The following OPRPN variants were observed in gnomAD, a reference collection of about 807,000 sequenced individuals.
OPRPN encodes basic proline-rich lacrimal protein.
In OPRPN, 1 loss-of-function variant was observed where a neutral mutation model predicts 2.2. The ratio of observed to expected loss-of-function variants is 0.45; its 90% CI spans 0.16 to 2.15. The LOEUF (loss-of-function observed/expected upper bound fraction) is 2.15, where lower values mean the gene tolerates loss of function less well. Among genes scored for constraint, OPRPN ranks in the 30% most tolerant of loss-of-function variants. The pLI is 0.28. For missense variants in OPRPN, 306 were observed against 297.3 expected, an observed-to-expected ratio of 1.03 and a Z score of -0.21; for synonymous variants, 126 against 111.5, an observed-to-expected ratio of 1.13 and a Z score of -0.82.
At position 70,410,169 on chromosome 4, in the gene OPRPN, A is replaced by G; in HGVS notation, c.*94A>G. On this transcript the variant is annotated 3_prime_UTR_variant, in exon 3 of 3. Transcript: ENST00000399575. ...TGGAACCAACCCTGATCTAACCAGC[A>G]CACTAAATAAAGTATTTGAGCAATA... 1.2e-6 allele frequency: 1 copy of G among 816,172 alleles called. No homozygotes were observed. Among genetic ancestry groups the G allele is most frequent in the Non-Finnish European group, 1.8e-6 (1 of 559,396 alleles). 50.6% of individuals were successfully genotyped at this position (816,172 alleles called of 1,614,324 possible).
At chr4:70,407,625 A>G (rs62322518) in intron 2 of OPRPN, among the ~76,000 whole-genome samples, 33,326 of 152,218 alleles carry the variant, frequency 0.22, 4,168 homozygotes, top group East Asian at 0.41. Context: ...AGGAATGGAG[A>G]GAGATAAACT....
chr4:70,398,508 C>A (rs1407031990), intron 1 of OPRPN, among the ~76,000 whole-genome samples: 1 of 151,890 alleles, frequency 6.6e-6, no homozygotes, highest in Non-Finnish European at 1.5e-5. Flanking sequence ...TGTCTTACAT[C>A]ACTTTCAAGG....
chr4:70,399,459 A>G, intron 2 of OPRPN, 123 bp downstream of exon 2: 1 of 751,286 alleles, frequency 1.3e-6, no homozygotes, highest in South Asian at 1.9e-5. Context: ...GTTGATAATT[A>G]TGGACTTGCT....
intron 2 of OPRPN, among the ~76,000 whole-genome samples, chr4:70,403,561 C>T (rs1317696732): frequency 6.6e-6 from 1 of 152,136 alleles, no homozygotes. Flanking sequence ...TTCATTGAAA[C>T]ATGTTTGCAT....
intron 2 of OPRPN, among the ~76,000 whole-genome samples, chr4:70,400,759 G>A (rs1732963169): frequency 6.6e-6 from 1 of 151,948 alleles, no homozygotes; most frequent in South Asian, 2.1e-4. Context: ...TCAATAATTA[G>A]AATTAATTAT....
rs151247099 is a variant in OPRPN at position 70,404,106 on chromosome 4, A to C, written c.51+4770A>C. ...GTTCTGTCTTAAGCCTACTCCAAGC[A>C]GACTTTGCCCACATCATTTGGATGA... On this transcript the variant is annotated intron_variant, in intron 2 of 2. Coordinates refer to ENST00000399575, the MANE Select transcript of OPRPN (RefSeq NM_021225.5). Among the ~76,000 whole-genome samples the C allele has an allele frequency of 2.5e-3, 381 of 152,302 alleles. 2 individuals carry two copies. Among genetic ancestry groups the C allele is most frequent in the Middle Eastern group, 0.024 (7 of 294 alleles).
chr4:70,398,404 A>G (rs1441316940), intron 1 of OPRPN, among the ~76,000 whole-genome samples: 1 of 151,880 alleles, frequency 6.6e-6, no homozygotes. Context: ...TTTCTTATGT[A>G]TTGTCAAACT....
intron 2 of OPRPN, among the ~76,000 whole-genome samples, chr4:70,400,786 G>T (rs150507644): frequency 3.9e-5 from 6 of 151,974 alleles, no homozygotes; most frequent in Admixed American, 3.9e-4. Context: ...TATTACTCTG[G>T]AATAAACCAC....
intron 2 of OPRPN, chr4:70,399,573 A>G (rs763594886): frequency 3.1e-5 from 12 of 385,226 alleles, no homozygotes; most frequent in South Asian, 1.2e-4. Flanking sequence ...GGCAGGTAGT[A>G]TCTAGGAGAG....
At chr4:70,400,468 A>G (rs1732953732) in intron 2 of OPRPN, among the ~76,000 whole-genome samples, 1 of 151,976 alleles carries the variant, frequency 6.6e-6, no homozygotes, top group African/African-American at 2.4e-5. Context: ...GAAGATTATT[A>G]TACTCCATGA....
At position 70,399,348 on chromosome 4, in the gene OPRPN, C is replaced by T; in HGVS notation, c.51+12C>T. On this transcript the variant is annotated intron_variant, in intron 2 of 2. Coordinates refer to ENST00000399575, the MANE Select transcript of OPRPN (RefSeq NM_021225.5). Reference sequence around the variant, plus strand: ...TTTCATGTTTCACAGTAAGTTCCCTCAATTCTAAATTTACTTGTTATATTT... The same window carrying T: ...TTTCATGTTTCACAGTAAGTTCCCTTAATTCTAAATTTACTTGTTATATTT... 1 of 1,569,526 alleles carries T rather than the reference C, an allele frequency of 6.4e-7. No homozygotes were observed. The highest frequency in any genetic ancestry group is 8.8e-7 in the Non-Finnish European group (1 of 1,142,718).
chr4:70,400,315 C>A (rs930283407), intron 2 of OPRPN, among the ~76,000 whole-genome samples: 1 of 151,736 alleles, frequency 6.6e-6, no homozygotes, highest in South Asian at 2.1e-4. Flanking sequence ...TATCAATAGA[C>A]CCTAGCAATG....
Position 70,410,151 on chromosome 4 carries a change from A to G in OPRPN, c.*76A>G, listed in dbSNP as rs1733196963. ...AAACTGCAATGATTTTGATGGAACC[A>G]ACCCTGATCTAACCAGCACACTAAA... is the stretch of plus-strand genomic sequence containing the variant. On this transcript the variant is annotated 3_prime_UTR_variant, in exon 3 of 3. Coordinates refer to ENST00000399575, the MANE Select transcript of OPRPN (RefSeq NM_021225.5). 8.9e-7 allele frequency: 1 copy of G among 1,118,012 alleles called. No homozygotes were observed. The highest frequency in any genetic ancestry group is 1.6e-5 in the South Asian group (1 of 63,044). 69.3% of individuals were successfully genotyped at this position (1,118,012 alleles called of 1,614,324 possible). A position where few individuals can be genotyped will look rare whatever the true frequency, so the allele number is the denominator to read the frequency against.
At chr4:70,405,046 G>A (rs546683601) in intron 2 of OPRPN, among the ~76,000 whole-genome samples, 21 of 152,040 alleles carry the variant, frequency 1.4e-4, no homozygotes, top group Non-Finnish European at 2.5e-4. Context: ...ACAAAAGTAT[G>A]CTGTTTAATC....
rs1733190293 is a variant in OPRPN at position 70,409,983 on chromosome 4, G to A, written c.655G>A (p.Ala219Thr). 3 of 1,613,360 alleles carry A rather than the reference G, an allele frequency of 1.9e-6. No homozygotes were observed. Among genetic ancestry groups the A allele is most frequent in the Non-Finnish European group, 2.5e-6 (3 of 1,179,744 alleles). ...ANRPHTVLLN[A>T]TVQVTTSNQT... ...CCGTCCTCACACAGTATTGCTCAAT[G>A]CCACTGTCCAAGTTACGACTTCCAA... The change falls in exon 3 of 3, where the codon GCC becomes ACC. Residue 219 changes from alanine (A) to threonine (T), a missense_variant. By Grantham distance (58) the Ala-to-Thr change is moderately conservative. Coordinates refer to ENST00000399575, the MANE Select transcript of OPRPN (RefSeq NM_021225.5).
In OPRPN at chr4:70,397,978, T is replaced by C. The variant is rs1410647383; in HGVS notation, c.-78T>C. 1 of 151,976 alleles carries C rather than the reference T, an allele frequency of 6.6e-6. No homozygotes were observed. The highest frequency in any genetic ancestry group is 1.9e-4 in the East Asian group (1 of 5,200). The allele number at this position is 151,976 out of a possible 1,614,324, so 9.4% of individuals were successfully genotyped here. On this transcript the variant is annotated 5_prime_UTR_variant, in exon 1 of 3. Coordinates refer to ENST00000399575, the MANE Select transcript of OPRPN (RefSeq NM_021225.5). ...GACTTTTAAATTGTGGCTACCTAAA[T>C]TGAGTATCTGGCAAGAGTAAGATTA... is the stretch of plus-strand genomic sequence containing the variant.
In OPRPN at chr4:70,406,256, C is replaced by T. The variant is rs567222662; in HGVS notation, c.52-3124C>T. Among the ~76,000 whole-genome samples, 6 of 151,820 alleles carry T rather than the reference C, an allele frequency of 4.0e-5. No individual in the cohort carries two copies. The South Asian group carries it at 1.3e-3, about 32-fold the overall frequency. On this transcript the variant is annotated intron_variant, in intron 2 of 2. Transcript: ENST00000399575. Reference sequence around the variant, plus strand: ...CTAACTTACTTCGAATTCCTCATACCTTTTATTATTCACAAAGGTGCCAGG... The same window carrying T: ...CTAACTTACTTCGAATTCCTCATACTTTTTATTATTCACAAAGGTGCCAGG...
intron 2 of OPRPN, 106 bp from the exon 3 acceptor site, chr4:70,409,274 A>C: frequency 1.2e-6 from 1 of 840,664 alleles, no homozygotes; most frequent in Non-Finnish European, 1.8e-6. Context: ...AGTATATCCT[A>C]ATGTTTACAT....
intron 2 of OPRPN, among the ~76,000 whole-genome samples, chr4:70,401,784 C>T (rs1732988793): frequency 6.6e-6 from 1 of 152,034 alleles, no homozygotes; most frequent in Admixed American, 6.6e-5. Context: ...TAAAGTATCT[C>T]ATGGTGGACA....
Sources: gnomAD v4.1 joint callset for allele counts (sites outside exome capture counted in the v4.1 genomes callset) on GRCh38, gnomAD v4.1.1 for gene constraint, MANE v1.5 for transcripts, NCBI Gene and HGNC (gene_info 2026-07-23, HGNC 2026-07-21) for gene names.